MFN1: variants seen among roughly 807,000 people sequenced by gnomAD.
The protein encoded by MFN1 is mitofusin-1.
A neutral mutation model predicts 92.4 loss-of-function variants in MFN1; 65 were observed. That is an observed-to-expected ratio of 0.70 (90% confidence interval 0.58 to 0.86). The LOEUF (loss-of-function observed/expected upper bound fraction) is 0.86. Among genes scored for constraint, MFN1 ranks in the 40% least tolerant of loss-of-function variants. The pLI is 0.00. For synonymous variants in MFN1, 297 were observed against 300.9 expected, an observed-to-expected ratio of 0.99 and a Z score of 0.13; for missense variants, 781 against 868.0, an observed-to-expected ratio of 0.90 and a Z score of 1.26.
At position 179,392,106 on chromosome 3, in the gene MFN1, T is replaced by C. The variant is rs773831813; in HGVS notation, c.*47T>C. ...CCATGATAGGAGGAAACGAAACTTG[T>C]AAGATTGGAACAGTTGTTATTTTTA... On this transcript the variant is annotated 3_prime_UTR_variant, in exon 18 of 18. Coordinates refer to ENST00000471841, the MANE Select transcript of MFN1 (RefSeq NM_033540.3). 1 of 1,208,718 alleles carries C rather than the reference T, an allele frequency of 8.3e-7. No individual in the cohort carries two copies. The highest frequency in any genetic ancestry group is 1.2e-6 in the Non-Finnish European group (1 of 825,802). The allele number at this position is 1,208,718 out of a possible 1,614,324, so 74.9% of individuals were successfully genotyped here. A position where few individuals can be genotyped will look rare whatever the true frequency, so the allele number is the denominator to read the frequency against.
intron 2 of MFN1, among the ~76,000 whole-genome samples, chr3:179,350,511 G>A (rs879945212): frequency 1.3e-5 from 2 of 152,038 alleles, no homozygotes; most frequent in Admixed American, 6.6e-5. Context: ...TGTATTGTAC[G>A]TGTTATAGAT....
intron 14 of MFN1, among the ~76,000 whole-genome samples, chr3:179,383,046 T>C (rs1033228083): frequency 6.6e-6 from 1 of 152,206 alleles, no homozygotes; most frequent in Admixed American, 6.5e-5. Context: ...GTAGTTTCTT[T>C]TGCTGTGCAG....
chr3:179,380,957 A>T (rs1469601030), intron 14 of MFN1, among the ~76,000 whole-genome samples: 10 of 152,246 alleles, frequency 6.6e-5, no homozygotes, highest in Admixed American at 5.2e-4. Flanking sequence ...GCAAAAAATA[A>T]TATCTTCAGA....
rs550936053 is a variant in MFN1, at chr3:179,383,443, C to A, written c.1663-2126C>A. Among the ~76,000 whole-genome samples, 4 of 152,230 alleles carry A rather than the reference C, an allele frequency of 2.6e-5. No homozygotes were observed. The South Asian group carries it at 8.3e-4, about 32-fold the overall frequency. On this transcript the variant is annotated intron_variant, in intron 14 of 17. Coordinates refer to ENST00000471841, the MANE Select transcript of MFN1 (RefSeq NM_033540.3). The stretch of plus-strand genomic sequence containing the variant: ...ATTGGTCTATATCTCTGTTTTGGTA[C>A]CAGTACCATGCTGTTTTGGTTAGTG...
rs897653231 is a variant in MFN1, at chr3:179,386,637, G to T, written c.2012+8G>T. 6.3e-7 allele frequency: 1 copy of T among 1,594,434 alleles called. No homozygotes were observed. The highest frequency in any genetic ancestry group is 2.2e-5 in the East Asian group (1 of 44,626). ...CAGTCACCAAGTAAAACAGTAAGTT[G>T]GAAGGTGCATCTTTCCTTTAAAAAA... On this transcript the variant is annotated splice_region_variant and intron_variant, in intron 16 of 17. Coordinates refer to ENST00000471841, the MANE Select transcript of MFN1 (RefSeq NM_033540.3).
chr3:179,373,423 T>C (rs1177684332), intron 9 of MFN1, among the ~76,000 whole-genome samples: 1 of 152,164 alleles, frequency 6.6e-6, no homozygotes, highest in Admixed American at 6.5e-5. Context: ...AAAGGAAGGA[T>C]AGTAATGAAC....
At chr3:179,379,347 T>A (rs527836296) in intron 14 of MFN1, among the ~76,000 whole-genome samples, 12 of 152,132 alleles carry the variant, frequency 7.9e-5, no homozygotes, top group South Asian at 4.2e-4. Context: ...TTAAAAAAAA[T>A]TTTTTTTTGA....
intron 4 of MFN1, among the ~76,000 whole-genome samples, chr3:179,361,736 G>C (rs982573767): frequency 6.6e-6 from 1 of 151,920 alleles, no homozygotes; most frequent in Non-Finnish European, 1.5e-5. Flanking sequence ...AGGGTTTCAT[G>C]ATGTTGTCCA....
intron 9 of MFN1, among the ~76,000 whole-genome samples, chr3:179,369,976 T>C (rs1320423855): frequency 6.6e-6 from 1 of 152,172 alleles, no homozygotes; most frequent in African/African-American, 2.4e-5. Flanking sequence ...ATATCTAAAA[T>C]GAGAATCAGT....
Position 179,377,165 on chromosome 3 carries a change from CAA to C in MFN1, c.1223_1224del (p.Lys408SerfsTer8). ...AGGAGGTTACCGAGGAGGTGGCAAA[CAA>C]AGTGGGTAACAGTAGCTTCATGATT... ...IKEVTEEVAN[K>X]VSCAMTDEIC... On this transcript the variant is annotated frameshift_variant and splice_region_variant, in exon 11 of 18. Transcript: ENST00000471841. LOFTEE classifies it high-confidence loss of function. 6.2e-7 allele frequency: 1 copy of C among 1,612,904 alleles called. No homozygotes were observed. The highest frequency in any genetic ancestry group is 1.7e-4 in the Middle Eastern group (1 of 6,054).
intron 4 of MFN1, among the ~76,000 whole-genome samples, chr3:179,359,526 T>C (rs1052112881): frequency 1.3e-4 from 19 of 150,692 alleles, no homozygotes; most frequent in Non-Finnish European, 2.1e-4. Flanking sequence ...GTTCAAATGA[T>C]TCTCCTGCCT....
At chr3:179,382,194 T>C (rs1286590347) in intron 14 of MFN1, among the ~76,000 whole-genome samples, 1 of 152,162 alleles carries the variant, frequency 6.6e-6, no homozygotes, top group Non-Finnish European at 1.5e-5. Context: ...TTACATTAGG[T>C]ATATCTCCTA....
intron 3 of MFN1, among the ~76,000 whole-genome samples, chr3:179,356,960 A>T (rs901158903): frequency 6.6e-6 from 1 of 152,144 alleles, no homozygotes; most frequent in African/African-American, 2.4e-5. Flanking sequence ...AAGGAATTTG[A>T]GGTTAGGGTT....
At position 179,393,286 on chromosome 3, in the gene MFN1, T is replaced by A. The variant is rs978717549; in HGVS notation, c.*1227T>A. Reference sequence around the variant, plus strand: ...AAATGACACCATTCTAGGAATTTGCTAGACAAAATGTAGGACTACCAGATC... The same window carrying A: ...AAATGACACCATTCTAGGAATTTGCAAGACAAAATGTAGGACTACCAGATC... On this transcript the variant is annotated 3_prime_UTR_variant, in exon 18 of 18. Coordinates refer to ENST00000471841, the MANE Select transcript of MFN1 (RefSeq NM_033540.3). 1 of 152,234 alleles carries A rather than the reference T, an allele frequency of 6.6e-6. No homozygotes were observed. The highest frequency in any genetic ancestry group is 2.4e-5 in the African/African-American group (1 of 41,466). The allele number at this position is 152,234 out of a possible 1,614,324, so 9.4% of individuals were successfully genotyped here.
At chr3:179,387,349 C>T (rs1052437320) in intron 16 of MFN1, among the ~76,000 whole-genome samples, 1 of 152,056 alleles carries the variant, frequency 6.6e-6, no homozygotes, top group African/African-American at 2.4e-5. Flanking sequence ...AGTTCGAGAA[C>T]AGCCTGGCCA....
In MFN1 at chr3:179,390,098, G is replaced by A. The variant is rs200188689; in HGVS notation, c.2107G>A (p.Asp703Asn). Residue 703 changes from aspartate to asparagine, a missense_variant, in exon 17 of 18, where the codon GAT (aspartate) becomes AAT (asparagine). By Grantham distance (23) the Asp-to-Asn change is conservative (BLOSUM62 1). Coordinates refer to ENST00000471841, the MANE Select transcript of MFN1 (RefSeq NM_033540.3). ...AATTGCTAGATTACCCAAAGAAATA[G>A]ATCAGTTGGAGAAAATACAAAACAA... Reference protein sequence around the residue: ...EEIARLPKEIDQLEKIQNNSK... With the variant: ...EEIARLPKEINQLEKIQNNSK... The A allele has an allele frequency of 6.2e-7, 1 of 1,604,126 alleles. No individual in the cohort carries two copies. Among genetic ancestry groups the A allele is most frequent in the East Asian group, 2.2e-5 (1 of 44,636 alleles).
At chr3:179,389,042 A>G (rs549653821) in intron 16 of MFN1, among the ~76,000 whole-genome samples, 8 of 152,338 alleles carry the variant, frequency 5.3e-5, no homozygotes, top group African/African-American at 1.9e-4. Flanking sequence ...CAGGAATTGC[A>G]GGAACGGTAA....
At chr3:179,385,205 G>A (rs9815687) in intron 14 of MFN1, among the ~76,000 whole-genome samples, 5,538 of 139,262 alleles carry the variant, frequency 0.04, 322 homozygotes, top group African/African-American at 0.13. Flanking sequence ...GAGCCACCGC[G>A]CCCGGCCGAA....
chr3:179,366,914 A>G (rs140883022), intron 7 of MFN1, among the ~76,000 whole-genome samples: 4 of 152,108 alleles, frequency 2.6e-5, no homozygotes, highest in African/African-American at 4.8e-5. Flanking sequence ...ATTCTACCCA[A>G]CCTTAACTCC....
Sources: gnomAD v4.1 joint callset for allele counts (sites outside exome capture counted in the v4.1 genomes callset) on GRCh38, gnomAD v4.1.1 for gene constraint, MANE v1.5 for transcripts, NCBI Gene and HGNC (gene_info 2026-07-23, HGNC 2026-07-21) for gene names.